KRABD3: variants seen among roughly 807,000 people sequenced by gnomAD.
The protein encoded by KRABD3 is KRAB domain containing 3.
At chr7:149,722,371 C>A in the KRABD3 span, 2 of 1,567,776 alleles carry the variant, frequency 1.3e-6, no homozygotes, top group East Asian at 4.7e-5. Flanking sequence ...TGTGATTTTC[C>A]AGAGTCTGGA....
the KRABD3 span, chr7:149,720,738 G>C: frequency 8.1e-7 from 1 of 1,237,108 alleles, no homozygotes; most frequent in South Asian, 1.5e-5. Context: ...ATGTGGCTGG[G>C]AGGATTACGT....
At chr7:149,728,046 A>C in the KRABD3 span, among the ~76,000 whole-genome samples, 1 of 152,258 alleles carries the variant, frequency 6.6e-6, no homozygotes, top group African/African-American at 2.4e-5. Flanking sequence ...CACAGCTGTC[A>C]CTGGAAATAG....
At chr7:149,724,626 G>A in the KRABD3 span, 1 of 1,486,822 alleles carries the variant, frequency 6.7e-7, no homozygotes, top group Non-Finnish European at 9.0e-7. Context: ...CTGAACCTTG[G>A]GCTTCCCAAT....
the KRABD3 span, chr7:149,726,022 G>C: frequency 6.2e-7 from 1 of 1,612,906 alleles, no homozygotes; most frequent in African/African-American, 1.3e-5. Context: ...CTGGATTTTG[G>C]GAGTCCTGTG....
the KRABD3 span, chr7:149,725,414 G>T: frequency 2.5e-6 from 4 of 1,611,820 alleles, no homozygotes; most frequent in Admixed American, 1.7e-5. Flanking sequence ...CCCACTTCTT[G>T]TTCCCAGAAC....
chr7:149,733,458 T>A, the KRABD3 span: 1 of 1,584,938 alleles, frequency 6.3e-7, no homozygotes, highest in Non-Finnish European at 8.6e-7. Context: ...AGGACCCAGG[T>A]GAATCGGCTG....
the KRABD3 span, among the ~76,000 whole-genome samples, chr7:149,727,473 C>T: frequency 6.6e-6 from 1 of 152,238 alleles, no homozygotes; most frequent in African/African-American, 2.4e-5. Flanking sequence ...GCCTTCGGCA[C>T]TCCAGCCCCT....
chr7:149,734,087 G>C, the KRABD3 span: 3 of 1,552,248 alleles, frequency 1.9e-6, no homozygotes, highest in Admixed American at 5.4e-5. Flanking sequence ...TCTTGCCGAG[G>C]GTGCAGTGGT....
the KRABD3 span, chr7:149,722,840 T>C: frequency 6.2e-7 from 1 of 1,613,152 alleles, no homozygotes; most frequent in African/African-American, 1.3e-5. Flanking sequence ...AAGGAAATCC[T>C]TGTGCCTGGG....
At chr7:149,721,117 C>G in the KRABD3 span, 1 of 1,312,116 alleles carries the variant, frequency 7.6e-7, no homozygotes, top group African/African-American at 1.5e-5. Flanking sequence ...ACCTGCTGTT[C>G]CTCGTGGCTA....
the KRABD3 span, chr7:149,725,388 A>G: frequency 3.1e-6 from 5 of 1,609,788 alleles, no homozygotes; most frequent in Non-Finnish European, 4.2e-6. Flanking sequence ...ATGGGTCGTC[A>G]CCTTCCCAGC....
the KRABD3 span, chr7:149,725,308 G>C: frequency 1.9e-6 from 3 of 1,573,366 alleles, no homozygotes; most frequent in East Asian, 7.0e-5. Flanking sequence ...GCTCTCTCCT[G>C]TTCCAGCTGC....
chr7:149,730,341 G>A, the KRABD3 span: 1 of 1,544,932 alleles, frequency 6.5e-7, no homozygotes, highest in Admixed American at 2.0e-5. Context: ...GCTCCCCCAG[G>A]GTGAGCCTGT....
At chr7:149,717,010 C>G in the KRABD3 span, among the ~76,000 whole-genome samples, 2 of 152,176 alleles carry the variant, frequency 1.3e-5, no homozygotes, top group African/African-American at 4.8e-5. Context: ...GATTGGAATT[C>G]TGGCAGCCTG....
the KRABD3 span, chr7:149,719,603 C>T: frequency 1.9e-6 from 3 of 1,606,834 alleles, no homozygotes; most frequent in African/African-American, 2.7e-5. This position sits in a 1 kb window ranked among gnomAD's most constrained non-coding sequence, Gnocchi z 5.6. Flanking sequence ...GTGGCGGCTC[C>T]TGGAGGAGGG....
At chr7:149,730,490 C>T in the KRABD3 span, 1 of 1,610,306 alleles carries the variant, frequency 6.2e-7, no homozygotes, top group South Asian at 1.1e-5. Flanking sequence ...TGGTGGGACC[C>T]CTGCTGGCAG....
At chr7:149,734,156 C>A in the KRABD3 span, 1 of 1,392,662 alleles carries the variant, frequency 7.2e-7, no homozygotes, top group East Asian at 2.5e-5. Context: ...CGCCATCTCC[C>A]TTACTGTTGC....
chr7:149,734,112 G>A, the KRABD3 span: 35 of 1,521,030 alleles, frequency 2.3e-5, no homozygotes, highest in Non-Finnish European at 2.7e-5. Context: ...TGGAAGCCCT[G>A]TCACCCCACC....
chr7:149,728,088 T>G, the KRABD3 span, among the ~76,000 whole-genome samples: 1 of 152,260 alleles, frequency 6.6e-6, no homozygotes, highest in African/African-American at 2.4e-5. Flanking sequence ...TCTTTCCTAG[T>G]TGAAATTGCA....
Sources: gnomAD v4.1 joint callset for allele counts (sites outside exome capture counted in the v4.1 genomes callset) on GRCh38, gnomAD v4.1.1 for gene constraint, Gnocchi (gnomAD v3.1) non-coding constraint, MANE v1.5 for transcripts, NCBI Gene and HGNC (gene_info 2026-07-23, HGNC 2026-07-21) for gene names.